CHODL: variants seen among roughly 807,000 people sequenced by gnomAD.
CHODL encodes chondrolectin.
Under a neutral mutation model 34.5 loss-of-function variants are expected in CHODL, and 29 were observed. The observed-to-expected ratio is 0.84, with a 90% confidence interval of 0.63 to 1.15. CHODL has a LOEUF of 1.15. CHODL is among the 50% of genes most tolerant of loss of function. CHODL has a pLI of 0.00. For missense variants in CHODL, 332 were observed against 332.5 expected, an observed-to-expected ratio of 1.00 and a Z score of 0.01; for synonymous variants, 125 against 116.1, an observed-to-expected ratio of 1.08 and a Z score of -0.49.
intron 1 of CHODL, among the ~76,000 whole-genome samples, chr21:17,941,332 G>A (rs1395027927): frequency 2.1e-5 from 3 of 139,906 alleles, no homozygotes; most frequent in Non-Finnish European, 4.5e-5. Context: ...ACTTTCCAAG[G>A]CTAGAAGAGA....
At chr21:17,964,758 G>T (rs1028802259) in intron 1 of CHODL, among the ~76,000 whole-genome samples, 1 of 152,134 alleles carries the variant, frequency 6.6e-6, no homozygotes, top group African/African-American at 2.4e-5. Context: ...CCATCTGGAT[G>T]TCTTAGATTA....
At chr21:18,056,584 C>G (rs1044919390) in intron 2 of CHODL, among the ~76,000 whole-genome samples, 8 of 150,980 alleles carry the variant, frequency 5.3e-5, no homozygotes, top group African/African-American at 1.7e-4. Flanking sequence ...TAATAAGTTT[C>G]TGTTCTTTCC....
chr21:18,259,588 A>G (rs2074356701), intron 3 of CHODL, among the ~76,000 whole-genome samples: 1 of 152,232 alleles, frequency 6.6e-6, no homozygotes, highest in East Asian at 1.9e-4. Flanking sequence ...AACTAGGGAA[A>G]GAAACAACTT....
At chr21:17,993,688 A>G (rs1461262317) in intron 1 of CHODL, among the ~76,000 whole-genome samples, 2 of 152,126 alleles carry the variant, frequency 1.3e-5, no homozygotes, top group African/African-American at 2.4e-5. Flanking sequence ...ACGTGTGCAT[A>G]TGTCTTCAGG....
chr21:18,233,952 A>G (rs1214040037), intron 2 of CHODL, among the ~76,000 whole-genome samples: 11 of 152,158 alleles, frequency 7.2e-5, no homozygotes, highest in Admixed American at 2.6e-4. Context: ...TTGATGACAT[A>G]CTGAAGAATG....
chr21:18,207,291 C>T (rs2073723120), intron 2 of CHODL, among the ~76,000 whole-genome samples: 1 of 152,012 alleles, frequency 6.6e-6, no homozygotes, highest in African/African-American at 2.4e-5. Flanking sequence ...TCATATAACC[C>T]ATTATTTTAA....
intron 2 of CHODL, among the ~76,000 whole-genome samples, chr21:18,106,589 G>C (rs1274718915): frequency 6.7e-6 from 1 of 149,794 alleles, no homozygotes; most frequent in Non-Finnish European, 1.5e-5. Flanking sequence ...TCCGCCTCCT[G>C]GGTTCCCACC....
chr21:18,117,705 G>A (rs2065429547), intron 2 of CHODL, among the ~76,000 whole-genome samples: 2 of 147,094 alleles, frequency 1.4e-5, no homozygotes, highest in South Asian at 2.2e-4. Flanking sequence ...AAATAAATAA[G>A]ATAAAATAAA....
chr21:18,259,445 C>G (rs2146818773), intron 3 of CHODL, among the ~76,000 whole-genome samples: 1 of 152,266 alleles, frequency 6.6e-6, no homozygotes, highest in Admixed American at 6.5e-5. Context: ...ATGGAATGAT[C>G]TGTGCAGCAC....
At chr21:18,172,411 C>CT (rs1040056194) in intron 2 of CHODL, among the ~76,000 whole-genome samples, 2 of 152,186 alleles carry the variant, frequency 1.3e-5, no homozygotes, top group African/African-American at 2.4e-5. Flanking sequence ...TTCTAAACCT[C>CT]TTTTGCCCCA....
At chr21:18,248,635 C>CAT (rs1476149731) in intron 1 of CHODL, among the ~76,000 whole-genome samples, 13 of 121,008 alleles carry the variant, frequency 1.1e-4, no homozygotes, top group African/African-American at 3.6e-4. Context: ...ATATATAATA[C>CAT]ATATATGTAT....
chr21:18,085,648 G>A (rs1261038080), intron 2 of CHODL, among the ~76,000 whole-genome samples: 2 of 152,132 alleles, frequency 1.3e-5, no homozygotes, highest in Non-Finnish European at 2.9e-5. Context: ...TTGGTGGACA[G>A]TTTTTACTTC....
chr21:18,074,718 T>C (rs1454355555), intron 2 of CHODL, among the ~76,000 whole-genome samples: 1 of 152,130 alleles, frequency 6.6e-6, no homozygotes, highest in Non-Finnish European at 1.5e-5. Context: ...GGAAAAAGAA[T>C]TAAGAGAAAA....
rs1029469936 is a variant in CHODL, at chr21:17,936,814, G to A, written c.-145+19414G>A. The stretch of plus-strand genomic sequence containing the variant: ...GGAAGGGCCGGGCGTGGTGGCTCAC[G>A]CCTTTAATCTCGGCAACGTGGGAGG... On this transcript the variant is annotated intron_variant, in intron 1 of 6. Transcript: ENST00000400127. Among the ~76,000 whole-genome samples, 7 of 152,060 alleles carry A rather than the reference G, an allele frequency of 4.6e-5. No individual in the cohort carries two copies. In the South Asian group the frequency reaches 6.2e-4, roughly 14 times the overall value.
chr21:17,974,336 G>A (rs147827536), intron 1 of CHODL, among the ~76,000 whole-genome samples: 21 of 152,104 alleles, frequency 1.4e-4, no homozygotes, highest in African/African-American at 3.9e-4. Flanking sequence ...GCAATGGTGC[G>A]GTCTTGGCTC....
chr21:18,148,826 A>G (rs6517798), intron 2 of CHODL, among the ~76,000 whole-genome samples: 12,542 of 151,868 alleles, frequency 0.083, 690 homozygotes, highest in Middle Eastern at 0.2. Flanking sequence ...CAACATTCAA[A>G]TGGAAATTTA....
chr21:18,210,596 CCT>C (rs1302752441), intron 2 of CHODL, among the ~76,000 whole-genome samples: 1 of 152,126 alleles, frequency 6.6e-6, no homozygotes, highest in Non-Finnish European at 1.5e-5. Context: ...AACTCTGACT[CCT>C]CTTTTCGCAT....
At chr21:18,059,540 T>C (rs1445707526) in intron 2 of CHODL, among the ~76,000 whole-genome samples, 1 of 151,680 alleles carries the variant, frequency 6.6e-6, no homozygotes, top group African/African-American at 2.4e-5. Context: ...GGGTTACATA[T>C]GCAGGATGTG....
chr21:17,952,871 G>A (rs561714484), intron 1 of CHODL, among the ~76,000 whole-genome samples: 59 of 152,246 alleles, frequency 3.9e-4, no homozygotes, highest in African/African-American at 1.3e-3. Context: ...CAATCATGGC[G>A]GAAGGCGAAA....
Sources: allele counts gnomAD v4.1 joint callset (sites outside exome capture counted in the v4.1 genomes callset), GRCh38; gene constraint gnomAD v4.1.1; transcripts MANE v1.5; gene names NCBI Gene and HGNC (gene_info 2026-07-23, HGNC 2026-07-21).